PDE4D: variants seen among roughly 807,000 people sequenced by gnomAD.
PDE4D encodes the protein phosphodiesterase 4D.
Under a neutral mutation model 87.4 loss-of-function variants are expected in PDE4D, and 24 were observed. The observed-to-expected ratio is 0.27, with a 90% CI of 0.20 to 0.39. PDE4D has a LOEUF of 0.39. PDE4D is among the 10% of genes least tolerant of loss of function. The pLI is 1.00. For missense variants in PDE4D, 714 were observed against 1,041.0 expected (o/e 0.69, Z 4.32); for synonymous variants, 384 against 383.2 (o/e 1.00, Z -0.02).
Position 59,071,844 on chromosome 5 carries a change from G to A in PDE4D, c.809-32873C>T, listed in dbSNP as rs537947538. Among the ~76,000 whole-genome samples the A allele has an allele frequency of 1.9e-4, 29 of 151,354 alleles. 1 individual carries two copies. The highest frequency in any genetic ancestry group is 1.1e-3 in the Admixed American group (17 of 15,194). On this transcript the variant is annotated intron_variant, in intron 5 of 14. Transcript: ENST00000340635. The stretch of plus-strand genomic sequence containing the variant: ...TGGGATTACAGTTGCCTACTACCAC[G>A]CCCAGCTAATTTTTTTATATTTTTA...
chr5:59,739,842 T>A (rs1409257613), intron 1 of PDE4D, among the ~76,000 whole-genome samples: 1 of 152,148 alleles, frequency 6.6e-6, no homozygotes, highest in Non-Finnish European at 1.5e-5. Context: ...AAGAGAATGG[T>A]TGAATAAAAG....
In PDE4D at chr5:58,977,317, A is replaced by G. The variant is rs767242221; in HGVS notation, c.1581T>C (p.Asp527=). 6.2e-7 allele frequency: 1 copy of G among 1,611,354 alleles called. No homozygotes were observed. The highest frequency in any genetic ancestry group is 1.1e-5 in the South Asian group (1 of 90,426). Residue 527 remains aspartate (D), a synonymous_variant, in exon 12 of 15, where the codon GAT becomes GAC. Transcript: ENST00000340635. ...TNSELALMYN[D]SSVLENHHLA... is the part of the protein sequence containing the mutation. ...AATGATGGTTCTCTAAGACTGAGGA[A>G]TCATTGTACATCAAGGCAAGTTCAG...
At chr5:60,136,114 C>T (rs1426574261) in intron 2 of PDE4D, among the ~76,000 whole-genome samples, 1 of 151,996 alleles carries the variant, frequency 6.6e-6, no homozygotes, top group East Asian at 1.9e-4. Flanking sequence ...ATTTTCTTTC[C>T]CTCAAGAAAG....
chr5:60,233,144 A>C (rs1318476152), intron 1 of PDE4D, among the ~76,000 whole-genome samples: 1 of 151,516 alleles, frequency 6.6e-6, no homozygotes, highest in Non-Finnish European at 1.5e-5. Context: ...ATATAACTAT[A>C]CAGACTTTAG....
At chr5:59,144,911 T>G (rs1185048452) in intron 5 of PDE4D, among the ~76,000 whole-genome samples, 2 of 130,150 alleles carry the variant, frequency 1.5e-5, no homozygotes, top group South Asian at 2.9e-4. Context: ...GGGGGAACCA[T>G]CCAGAAGCTG....
In PDE4D at chr5:59,691,378, T is replaced by C. The variant is rs192511926; in HGVS notation, c.455+201790A>G. Among the ~76,000 whole-genome samples, 470 of 152,220 alleles carry C rather than the reference T, an allele frequency of 3.1e-3. 5 individuals carry two copies. Among genetic ancestry groups the C allele is most frequent in the Middle Eastern group, 0.01 (3 of 294 alleles). Reference sequence around the variant, plus strand: ...AATGTGGCACATATACACCATGGAATACTATGCAGCCATAAAAAATGATGA... The same window carrying C: ...AATGTGGCACATATACACCATGGAACACTATGCAGCCATAAAAAATGATGA... On this transcript the variant is annotated intron_variant, in intron 1 of 14. Coordinates refer to ENST00000340635, the MANE Select transcript of PDE4D (RefSeq NM_001104631.2).
At chr5:59,546,498 T>G (rs576567272) in intron 1 of PDE4D, among the ~76,000 whole-genome samples, 11 of 152,266 alleles carry the variant, frequency 7.2e-5, no homozygotes, top group African/African-American at 2.6e-4. Flanking sequence ...TGAATTGGAT[T>G]GGATATGAAC....
At chr5:60,163,603 A>C (rs767036156) in intron 2 of PDE4D, among the ~76,000 whole-genome samples, 6 of 152,184 alleles carry the variant, frequency 3.9e-5, no homozygotes, top group Non-Finnish European at 8.8e-5. Context: ...ACTTGTGCTC[A>C]TCACTTCAGG....
rs552405060 is a variant in PDE4D at position 59,628,655 on chromosome 5, C to G, written c.455+264513G>C. The stretch of plus-strand genomic sequence containing the variant: ...AGAACAACCTCCAAGACAAGTAGGG[C>G]CCTGGCACCATGGACTTCAGACTAG... On this transcript the variant is annotated intron_variant, in intron 1 of 14. Coordinates refer to ENST00000340635, the MANE Select transcript of PDE4D (RefSeq NM_001104631.2). Among the ~76,000 whole-genome samples the G allele has an allele frequency of 1.6e-3, 243 of 152,006 alleles. 1 individual carries two copies. The highest frequency in any genetic ancestry group is 4.5e-3 in the African/African-American group (185 of 41,452).
At chr5:59,798,377 C>G (rs1371440348) in intron 1 of PDE4D, among the ~76,000 whole-genome samples, 11 of 151,078 alleles carry the variant, frequency 7.3e-5, no homozygotes, top group Admixed American at 7.3e-4. Flanking sequence ...TTTTTAAAAG[C>G]TATTTATAAC....
At chr5:59,143,113 CT>C (rs1778144400) in intron 5 of PDE4D, among the ~76,000 whole-genome samples, 1 of 146,860 alleles carries the variant, frequency 6.8e-6, no homozygotes, top group Admixed American at 6.9e-5. Flanking sequence ...TCTTTCCTTC[CT>C]TCCTTCCTTC....
intron 3 of PDE4D, among the ~76,000 whole-genome samples, chr5:59,929,448 G>A (rs2962202): frequency 0.69 from 104,505 of 151,842 alleles, 37,752 homozygotes; most frequent in African/African-American, 0.92. Context: ...ACTTTAAAAA[G>A]TAGCCTTTGG....
intron 1 of PDE4D, among the ~76,000 whole-genome samples, chr5:59,886,528 AT>A (rs1750187272): frequency 6.6e-6 from 1 of 152,014 alleles, no homozygotes; most frequent in Admixed American, 6.5e-5. Context: ...AAATAAAAAA[AT>A]AAAAAAATAA....
intron 1 of PDE4D, among the ~76,000 whole-genome samples, chr5:59,820,576 T>C (rs1004032759): frequency 2.0e-5 from 3 of 152,230 alleles, no homozygotes; most frequent in South Asian, 2.1e-4. Context: ...CTTGTGTTTC[T>C]TGAAGAGCAG....
rs139413144 is a variant in PDE4D, at chr5:60,165,965, G to A, written c.42+19592C>T. ...AGTCTTTGTTTATTTCTCTCTTACT[G>A]CCCTTCTTTGTGGTTAAGTGATTTT... On this transcript the variant is annotated intron_variant, in intron 2 of 16. Transcript: ENST00000502484. Among the ~76,000 whole-genome samples the A allele has an allele frequency of 2.7e-3, 413 of 151,962 alleles. 1 individual carries two copies. Among genetic ancestry groups the A allele is most frequent in the African/African-American group, 9.3e-3 (386 of 41,468 alleles).
intron 1 of PDE4D, among the ~76,000 whole-genome samples, chr5:59,883,565 C>T (rs1002898939): frequency 1.3e-5 from 2 of 152,144 alleles, no homozygotes; most frequent in South Asian, 4.1e-4. Context: ...CTATTTCAAA[C>T]TTTATGAAGT....
intron 1 of PDE4D, among the ~76,000 whole-genome samples, chr5:59,597,019 G>C (rs1175884129): frequency 6.6e-6 from 1 of 152,118 alleles, no homozygotes; most frequent in African/African-American, 2.4e-5. Context: ...GCCCCAAAGA[G>C]AGTAGCTGCC....
intron 1 of PDE4D, among the ~76,000 whole-genome samples, chr5:59,695,397 A>G (rs1449267638): frequency 6.6e-6 from 1 of 152,088 alleles, no homozygotes; most frequent in African/African-American, 2.4e-5. Context: ...ATCTCTGTGC[A>G]TAACACGTTA....
intron 1 of PDE4D, among the ~76,000 whole-genome samples, chr5:59,426,266 C>T (rs1253282184): frequency 2.6e-5 from 4 of 152,280 alleles, no homozygotes; most frequent in South Asian, 2.1e-4. Flanking sequence ...TTTCTTATGA[C>T]CGTCCTAACA....
Sources: gnomAD v4.1 joint callset for allele counts (sites outside exome capture counted in the v4.1 genomes callset) on GRCh38, gnomAD v4.1.1 for gene constraint, MANE v1.5 for transcripts, NCBI Gene and HGNC (gene_info 2026-07-23, HGNC 2026-07-21) for gene names.